Variants in RIPOR3 observed in about 807,000 individuals in gnomAD.
The protein encoded by RIPOR3 is family with sequence similarity 65 member C.
RIPOR3 carries 95 observed loss-of-function variants against 114.3 expected under a neutral mutation model. The ratio of observed to expected loss-of-function variants is 0.83; its 90% CI spans 0.70 to 0.99. RIPOR3 has a LOEUF of 0.99. RIPOR3 is among the 50% of genes least tolerant of loss of function. RIPOR3 has a pLI of 0.00. For missense variants in RIPOR3, 1,252 were observed against 1,266.9 expected (o/e 0.99, Z 0.18); for synonymous variants, 575 against 543.8 (o/e 1.06, Z -0.80).
chr20:50,617,161 C>T (rs963698053), intron 3 of RIPOR3, among the ~76,000 whole-genome samples: 47 of 152,122 alleles, frequency 3.1e-4, no homozygotes, highest in African/African-American at 1.0e-3. Flanking sequence ...AGGTGGGGGG[C>T]GTCTAGATTT....
At position 50,593,206 on chromosome 20, in the gene RIPOR3, G is replaced by T; in HGVS notation, c.2213-10C>A. Reference sequence around the variant, plus strand: ...AGGAGCCTGCGGCACGCTGGCCAAAGGGGAGAGTACATCAGGAGAAACTGA... The same window carrying T: ...AGGAGCCTGCGGCACGCTGGCCAAATGGGAGAGTACATCAGGAGAAACTGA... On this transcript the variant is annotated splice_polypyrimidine_tract_variant and intron_variant, in intron 17 of 21. Coordinates refer to ENST00000327979, the MANE Select transcript of RIPOR3 (RefSeq NM_001290268.2). 1 of 1,609,882 alleles carries T rather than the reference G, an allele frequency of 6.2e-7. No individual in the cohort carries two copies. Among genetic ancestry groups the T allele is most frequent in the Admixed American group, 1.7e-5 (1 of 59,986 alleles).
At chr20:50,650,767 A>G (rs2085574186) in intron 1 of RIPOR3, among the ~76,000 whole-genome samples, 5 of 152,240 alleles carry the variant, frequency 3.3e-5, no homozygotes, top group South Asian at 2.1e-4. Context: ...GACCTTCCCC[A>G]GTCTCAGTGA....
At chr20:50,641,510 G>A (rs1483660159) in intron 1 of RIPOR3, among the ~76,000 whole-genome samples, 3 of 152,178 alleles carry the variant, frequency 2.0e-5, no homozygotes, top group Non-Finnish European at 2.9e-5. Flanking sequence ...AGCCTCATGA[G>A]TAGCTGGGAC....
Position 50,602,529 on chromosome 20 carries a change from C to A in RIPOR3, c.1202G>T (p.Ser401Ile), listed in dbSNP as rs572528312. The A allele has an allele frequency of 1.1e-5, 17 of 1,560,646 alleles. No homozygotes were observed. The highest frequency in any genetic ancestry group is 1.4e-5 in the Non-Finnish European group (16 of 1,152,068). The change falls in exon 13 of 22, where the codon AGT (serine) becomes ATT (isoleucine). Residue 401 changes from serine to isoleucine, a missense_variant. By Grantham distance (142) the Ser-to-Ile change is moderately radical. Coordinates refer to ENST00000327979, the MANE Select transcript of RIPOR3 (RefSeq NM_001290268.2). This position sits in a 1 kb window ranked among gnomAD's most constrained non-coding sequence, Gnocchi z 4.3. ...DLRGPSLRSQ[S>I]QELPEMDSFS... The stretch of plus-strand genomic sequence containing the variant: ...GGAGTCCATCTCAGGCAGCTCCTGA[C>A]TCTGGCTTCTTAGGCTGGGACCCCG...
At position 50,602,595 on chromosome 20, in the gene RIPOR3, C is replaced by A; in HGVS notation, c.1136G>T (p.Arg379Met). The A allele has an allele frequency of 1.3e-6, 2 of 1,513,510 alleles. No homozygotes were observed. Among genetic ancestry groups the A allele is most frequent in the East Asian group, 2.3e-5 (1 of 43,704 alleles). 93.8% of individuals were successfully genotyped at this position (1,513,510 alleles called of 1,614,324 possible). The change falls in exon 13 of 22, where the codon AGG becomes ATG. Residue 379 changes from arginine to methionine, a missense_variant. Physicochemically the swap from Arg to Met is moderately conservative, Grantham distance 91. Transcript: ENST00000327979. This position sits in a 1 kb window ranked among gnomAD's most constrained non-coding sequence, Gnocchi z 4.3. ...CAGGTAGCTGAGGATGGAGGTGGCCCTTGGGCCACCCAGCAGCAAGGCCTG... is the reference window on the plus strand; with the variant it reads ...CAGGTAGCTGAGGATGGAGGTGGCCATTGGGCCACCCAGCAGCAAGGCCTG... ...TQQALLLGGP[R>M]ATSILSYLSD... is the part of the protein sequence containing the mutation.
intron 1 of RIPOR3, among the ~76,000 whole-genome samples, chr20:50,669,141 A>G (rs757490044): frequency 6.6e-6 from 1 of 151,762 alleles, no homozygotes; most frequent in African/African-American, 2.4e-5. Flanking sequence ...CATGGTGCAC[A>G]CTCACACACC....
At chr20:50,606,426 G>A (rs539953145) in intron 11 of RIPOR3, among the ~76,000 whole-genome samples, 33 of 152,054 alleles carry the variant, frequency 2.2e-4, no homozygotes, top group Non-Finnish European at 4.6e-4. Context: ...GAAAAACCCC[G>A]TCTCCCCACA....
At chr20:50,678,098 A>G (rs2086734835) in intron 1 of RIPOR3, among the ~76,000 whole-genome samples, 1 of 152,144 alleles carries the variant, frequency 6.6e-6, no homozygotes, top group African/African-American at 2.4e-5. Context: ...CTCAATCATC[A>G]TGGGTTTTGC....
chr20:50,638,115 T>C (rs1416247215), intron 1 of RIPOR3, among the ~76,000 whole-genome samples: 1 of 152,172 alleles, frequency 6.6e-6, no homozygotes, highest in Non-Finnish European at 1.5e-5. Context: ...GGGCAGCCCA[T>C]GGTCCTGGCT....
In RIPOR3 at chr20:50,602,529, C is replaced by T. The variant is rs572528312; in HGVS notation, c.1202G>A (p.Ser401Asn). 1 of 1,560,646 alleles carries T rather than the reference C, an allele frequency of 6.4e-7. No homozygotes were observed. The highest frequency in any genetic ancestry group is 2.3e-5 in the East Asian group (1 of 44,148). Residue 401 changes from serine (S) to asparagine (N), a missense_variant, in exon 13 of 22, where the codon AGT becomes AAT. Ser to Asn is a conservative substitution (Grantham distance 46). Coordinates refer to ENST00000327979, the MANE Select transcript of RIPOR3 (RefSeq NM_001290268.2). The surrounding 1 kb of genome is among the most constrained non-coding windows in gnomAD (Gnocchi z 4.3). Reference protein sequence around the residue: ...DLRGPSLRSQSQELPEMDSFS... With the variant: ...DLRGPSLRSQNQELPEMDSFS... Reference sequence around the variant, plus strand: ...GGAGTCCATCTCAGGCAGCTCCTGACTCTGGCTTCTTAGGCTGGGACCCCG... The same window carrying T: ...GGAGTCCATCTCAGGCAGCTCCTGATTCTGGCTTCTTAGGCTGGGACCCCG...
Position 50,607,539 on chromosome 20 carries a change from C to A in RIPOR3, c.956+850G>T, listed in dbSNP as rs114636415. Among the ~76,000 whole-genome samples the A allele has an allele frequency of 4.8e-3, 738 of 152,302 alleles. 14 individuals carry two copies. Among genetic ancestry groups the A allele is most frequent in the African/African-American group, 0.016 (682 of 41,566 alleles). On this transcript the variant is annotated intron_variant, in intron 11 of 21. Coordinates refer to ENST00000327979, the MANE Select transcript of RIPOR3 (RefSeq NM_001290268.2). ...GCTCTGCAAGTGCCCACTTCTCTGC[C>A]CAGGGTGTCTGCAGACCCGCAGGCA...
intron 21 of RIPOR3, among the ~76,000 whole-genome samples, 178 bp downstream of exon 21, chr20:50,587,624 C>T (rs1298227292): frequency 2.6e-5 from 4 of 152,228 alleles, no homozygotes; most frequent in Admixed American, 2.0e-4. Flanking sequence ...ATGGAGGAGG[C>T]CTGCCTTGGC....
In RIPOR3 at chr20:50,616,064, G is replaced by GCACA; in HGVS notation, c.282_285dup (p.Gln96CysfsTer5). The GCACA allele has an allele frequency of 1.2e-6, 2 of 1,611,938 alleles. No homozygotes were observed. Among genetic ancestry groups the GCACA allele is most frequent in the South Asian group, 2.2e-5 (2 of 90,372 alleles). On this transcript the variant is annotated frameshift_variant, in exon 4 of 22. Transcript: ENST00000327979. LOFTEE classifies it high-confidence loss of function. Reference sequence around the variant, plus strand: ...GACAGGTGGTCCAGCTCAGCCTGCTGCACACACAGATACTCCCTGCAAGGA... The same window carrying GCACA: ...GACAGGTGGTCCAGCTCAGCCTGCTGCACACACACACAGATACTCCCTGCAAGGA...
At chr20:50,609,835 GC>G in intron 6 of RIPOR3, 113 bp from the exon 7 acceptor site, 1 of 1,246,372 alleles carries the variant, frequency 8.0e-7, no homozygotes, top group Non-Finnish European at 1.0e-6. Context: ...CACCCCGCTA[GC>G]CCAGCCCATG....
At position 50,691,339 on chromosome 20, in the gene RIPOR3, C is replaced by T. The variant is rs2123668925; in HGVS notation, c.-211G>A. The T allele has an allele frequency of 2.1e-6, 1 of 469,708 alleles. No individual in the cohort carries two copies. The highest frequency in any genetic ancestry group is 7.4e-5 in the East Asian group (1 of 13,440). 29.1% of individuals were successfully genotyped at this position (469,708 alleles called of 1,614,324 possible). A position where few individuals can be genotyped will look rare whatever the true frequency, so the allele number is the denominator to read the frequency against. On this transcript the variant is annotated 5_prime_UTR_variant, in exon 1 of 22. Transcript: ENST00000327979. Reference sequence around the variant, plus strand: ...GAGGACCTGCTGCGCCCCGAGTCTTCCTTCTGGTGCAGGGAGGCCGGTGCC... The same window carrying T: ...GAGGACCTGCTGCGCCCCGAGTCTTTCTTCTGGTGCAGGGAGGCCGGTGCC...
At chr20:50,599,523 C>G (rs1351851786) in intron 13 of RIPOR3, among the ~76,000 whole-genome samples, 5 of 152,194 alleles carry the variant, frequency 3.3e-5, no homozygotes, top group Non-Finnish European at 5.9e-5. Context: ...TCACAGGCTT[C>G]CTGGACTGAG....
chr20:50,609,006 C>G, intron 8 of RIPOR3, 51 bp from the exon 9 acceptor site: 1 of 1,554,096 alleles, frequency 6.4e-7, no homozygotes, highest in Non-Finnish European at 8.7e-7. Context: ...TCTCCCTGAC[C>G]TGGGACCACA....
At chr20:50,587,441 C>T in intron 21 of RIPOR3, 109 bp from the exon 22 acceptor site, 1 of 899,814 alleles carries the variant, frequency 1.1e-6, no homozygotes, top group Non-Finnish European at 1.8e-6. Context: ...TCAGTGGTCT[C>T]TGCAAAGCGG....
chr20:50,659,288 C>T (rs187777030), intron 1 of RIPOR3, among the ~76,000 whole-genome samples: 55 of 152,170 alleles, frequency 3.6e-4, no homozygotes, highest in Admixed American at 7.9e-4. Flanking sequence ...TTTCCTGAAC[C>T]GAAGTCTGAA....
Sources: gnomAD v4.1 joint callset for allele counts (sites outside exome capture counted in the v4.1 genomes callset) on GRCh38, gnomAD v4.1.1 for gene constraint, Gnocchi (gnomAD v3.1) non-coding constraint, MANE v1.5 for transcripts, NCBI Gene and HGNC (gene_info 2026-07-23, HGNC 2026-07-21) for gene names.